The following RXFP1 variants were observed in gnomAD, a reference collection of about 807,000 sequenced individuals.
RXFP1 encodes the protein relaxin receptor 1.
In RXFP1, 73 loss-of-function variants were observed where a neutral mutation model predicts 89.8. The observed-to-expected ratio is 0.81, with a 90% CI of 0.67 to 0.99. The LOEUF (loss-of-function observed/expected upper bound fraction) is 0.99. RXFP1 is among the 50% of genes least tolerant of loss of function. RXFP1 has a pLI of 0.00. For synonymous variants in RXFP1, 277 were observed against 305.5 expected, an observed-to-expected ratio of 0.91 and a Z score of 0.97; for missense variants, 793 against 895.5, an observed-to-expected ratio of 0.89 and a Z score of 1.46.
At chr4:158,559,657 G>GTTGATGTATTTA (rs1752040171) in intron 1 of RXFP1, among the ~76,000 whole-genome samples, 1 of 152,122 alleles carries the variant, frequency 6.6e-6, no homozygotes, top group South Asian at 2.1e-4. Context: ...CGACAAAAAA[G>GTTGATGTATTTA]CCACTTTTTT....
chr4:158,630,340 C>A (rs1171551911), intron 11 of RXFP1, among the ~76,000 whole-genome samples: 1 of 152,170 alleles, frequency 6.6e-6, no homozygotes, highest in Non-Finnish European at 1.5e-5. Flanking sequence ...ATAATTGAAC[C>A]ATATCATCAG....
At chr4:158,567,051 G>A (rs958656132) in intron 1 of RXFP1, among the ~76,000 whole-genome samples, 27 of 152,194 alleles carry the variant, frequency 1.8e-4, no homozygotes, top group African/African-American at 5.5e-4. Context: ...CGGCCGGCCC[G>A]CCAGTCAGGG....
intron 1 of RXFP1, among the ~76,000 whole-genome samples, chr4:158,539,012 G>A (rs1365527973): frequency 1.3e-5 from 2 of 152,242 alleles, no homozygotes; most frequent in Non-Finnish European, 2.9e-5. Flanking sequence ...AGCAATAAGA[G>A]AGTATGATGG....
At chr4:158,632,895 G>C (rs1028573027) in intron 11 of RXFP1, among the ~76,000 whole-genome samples, 1 of 152,202 alleles carries the variant, frequency 6.6e-6, no homozygotes. Context: ...GATCAGGCCA[G>C]GTGCAGTGGC....
Position 158,651,962 on chromosome 4 carries a change from G to A in RXFP1, c.2181G>A (p.Glu727=). The change falls in exon 18 of 18, where the codon GAG becomes GAA. Residue 727 remains glutamate, a synonymous_variant. Transcript: ENST00000307765. ...FIWVEMWPLQ[E]MPPELMKPDL... ...GGGTGGAAATGTGGCCACTGCAGGA[G>A]ATGCCACCTGAGTTAATGAAGCCGG... The A allele has an allele frequency of 6.2e-7, 1 of 1,614,146 alleles. No homozygotes were observed. Among genetic ancestry groups the A allele is most frequent in the Non-Finnish European group, 8.5e-7 (1 of 1,180,018 alleles).
intron 9 of RXFP1, among the ~76,000 whole-genome samples, chr4:158,626,108 CTATATAGATAGATAGATAGATAGA>C (rs1269149367): frequency 5.4e-5 from 6 of 110,498 alleles, no homozygotes; most frequent in African/African-American, 2.3e-4. Context: ...ATTTAGATAT[CTATATAGATAGATAGATAGATAGA>C]TAGATAGATA....
chr4:158,637,853 G>A (rs1769507188), intron 12 of RXFP1, among the ~76,000 whole-genome samples, 155 bp from the exon 13 acceptor site: 1 of 152,066 alleles, frequency 6.6e-6, no homozygotes, highest in African/African-American at 2.4e-5. Context: ...TCTTCTAGTC[G>A]TTTTATAATT....
intron 6 of RXFP1, among the ~76,000 whole-genome samples, chr4:158,610,060 T>A (rs1763274457): frequency 6.6e-6 from 1 of 152,142 alleles, no homozygotes; most frequent in South Asian, 2.1e-4. Context: ...GGTCAGGAGA[T>A]GGAGACCATC....
At chr4:158,626,777 C>T in intron 9 of RXFP1, 43 bp from the exon 10 acceptor site, 2 of 1,185,354 alleles carry the variant, frequency 1.7e-6, no homozygotes, top group African/African-American at 1.6e-5. Flanking sequence ...TATTTCTCTC[C>T]ATGATTAAGA....
At chr4:158,598,611 G>A (rs1761086451) in intron 3 of RXFP1, among the ~76,000 whole-genome samples, 1 of 152,034 alleles carries the variant, frequency 6.6e-6, no homozygotes. Context: ...GACTTTAGAT[G>A]TATTGACTCA....
intron 6 of RXFP1, among the ~76,000 whole-genome samples, chr4:158,610,170 CA>C (rs1425080761): frequency 5.3e-5 from 8 of 151,980 alleles, no homozygotes; most frequent in Non-Finnish European, 1.5e-5. Flanking sequence ...GAGGGTGAGG[CA>C]AGAGAATCGC....
At chr4:158,616,471 G>A (rs1764586660) in intron 8 of RXFP1, among the ~76,000 whole-genome samples, 1 of 149,474 alleles carries the variant, frequency 6.7e-6, no homozygotes, top group Non-Finnish European at 1.5e-5. Flanking sequence ...AAAACAAGGT[G>A]TGCCTACATT....
At chr4:158,612,466 A>G (rs967512043) in intron 8 of RXFP1, 104 bp downstream of exon 8, 11 of 774,336 alleles carry the variant, frequency 1.4e-5, no homozygotes, top group African/African-American at 3.5e-5. Context: ...TAAAACCCCA[A>G]AGAGGCCTTT....
At chr4:158,547,604 T>A (rs896554075) in intron 1 of RXFP1, among the ~76,000 whole-genome samples, 22 of 152,198 alleles carry the variant, frequency 1.4e-4, no homozygotes, top group Non-Finnish European at 2.5e-4. Flanking sequence ...TAAATTTCCC[T>A]CTACACACTG....
intron 9 of RXFP1, among the ~76,000 whole-genome samples, chr4:158,618,320 G>A (rs1243744791): frequency 6.6e-6 from 1 of 152,022 alleles, no homozygotes; most frequent in African/African-American, 2.4e-5. Flanking sequence ...AGAAGCAACT[G>A]TGTGCAGTAT....
chr4:158,606,217 T>A (rs896700510), intron 5 of RXFP1, among the ~76,000 whole-genome samples: 6 of 152,222 alleles, frequency 3.9e-5, no homozygotes, highest in Non-Finnish European at 7.3e-5. Flanking sequence ...TTGTGTCCAC[T>A]TATTTAAAGG....
rs754153444 is a variant in RXFP1 at position 158,612,412 on chromosome 4, TA to T, written c.680+55del. 2.3e-6 allele frequency: 3 copies of T among 1,277,276 alleles called. No individual in the cohort carries two copies. In the South Asian group the frequency reaches 4.0e-5, roughly 17 times the overall value. 79.1% of individuals were successfully genotyped at this position (1,277,276 alleles called of 1,614,324 possible). A position where few individuals can be genotyped will look rare whatever the true frequency, so the allele number is the denominator to read the frequency against. ...TTTCAATCAAAGGCAAAGACATGAA[TA>T]AAAATTAATGCTTAAATTTAATACC... On this transcript the variant is annotated intron_variant, in intron 8 of 17. Transcript: ENST00000307765.
chr4:158,599,491 T>C (rs1256993279), intron 4 of RXFP1, 60 bp downstream of exon 4: 2 of 1,274,504 alleles, frequency 1.6e-6, no homozygotes, highest in Admixed American at 2.0e-5. Flanking sequence ...AATTGTATTA[T>C]AATTAAGACC....
chr4:158,568,339 G>A (rs183207947), intron 1 of RXFP1, among the ~76,000 whole-genome samples: 26 of 152,202 alleles, frequency 1.7e-4, no homozygotes, highest in Admixed American at 1.7e-3. Flanking sequence ...TTTAAAGACT[G>A]GACATAAAAA....
Sources: allele counts gnomAD v4.1 joint callset (sites outside exome capture counted in the v4.1 genomes callset), GRCh38; gene constraint gnomAD v4.1.1; transcripts MANE v1.5; gene names NCBI Gene and HGNC (gene_info 2026-07-23, HGNC 2026-07-21).